The following ABCG1 variants were observed in gnomAD, a reference collection of about 807,000 sequenced individuals.
The protein encoded by ABCG1 is ATP binding cassette subfamily G member 1.
Under a neutral mutation model 69.2 loss-of-function variants are expected in ABCG1, and 29 were observed. The ratio of observed to expected loss-of-function variants is 0.42; its 90% CI spans 0.31 to 0.57. ABCG1 has a LOEUF of 0.57. ABCG1 is among the 20% of genes least tolerant of loss of function. ABCG1 has a pLI of 0.15. For synonymous variants in ABCG1, 370 were observed against 374.8 expected, an observed-to-expected ratio of 0.99 and a Z score of 0.15; for missense variants, 718 against 898.1, an observed-to-expected ratio of 0.80 and a Z score of 2.56.
chr21:42,284,262 CCT>C (rs368356415), intron 6 of ABCG1, among the ~76,000 whole-genome samples: 10 of 131,970 alleles, frequency 7.6e-5, no homozygotes, highest in East Asian at 7.1e-4. Flanking sequence ...TTGTGAAGTC[CCT>C]CCCTGCCCAG....
Position 42,219,773 on chromosome 21 carries a change from A to G in ABCG1, c.42+469A>G. The G allele has an allele frequency of 2.2e-6, 3 of 1,393,408 alleles. No individual in the cohort carries two copies. Among genetic ancestry groups the G allele is most frequent in the South Asian group, 1.5e-5 (1 of 66,404 alleles). The allele number at this position is 1,393,408 out of a possible 1,614,324, so 86.3% of individuals were successfully genotyped here. On this transcript the variant is annotated intron_variant, in intron 1 of 14. Transcript: ENST00000398449. This position sits in a 1 kb window ranked among gnomAD's most constrained non-coding sequence, Gnocchi z 5.3. Reference sequence around the variant, plus strand: ...TTCTCGCGCCATCCCCAGGAACGCCAGGCAAGGTCTGGGGGAACAAAAGAG... The same window carrying G: ...TTCTCGCGCCATCCCCAGGAACGCCGGGCAAGGTCTGGGGGAACAAAAGAG...
chr21:42,279,172 C>T (rs2068761740), intron 5 of ABCG1, among the ~76,000 whole-genome samples: 1 of 152,040 alleles, frequency 6.6e-6, no homozygotes, highest in South Asian at 2.1e-4. Context: ...GGCCTGCAAG[C>T]TGAGGGGCGG....
intron 2 of ABCG1, among the ~76,000 whole-genome samples, chr21:42,203,017 C>A (rs954558211): frequency 1.3e-5 from 2 of 152,170 alleles, no homozygotes; most frequent in African/African-American, 2.4e-5. Context: ...CACACCCACT[C>A]AAAGATACAA....
At chr21:42,235,790 A>T (rs947508642) in intron 2 of ABCG1, among the ~76,000 whole-genome samples, 6 of 152,186 alleles carry the variant, frequency 3.9e-5, no homozygotes, top group African/African-American at 1.2e-4. Context: ...GTCTGTGTTG[A>T]TGTTAATGTT....
At chr21:42,265,936 G>A (rs992176215) in intron 2 of ABCG1, among the ~76,000 whole-genome samples, 1 of 152,164 alleles carries the variant, frequency 6.6e-6, no homozygotes, top group African/African-American at 2.4e-5. Flanking sequence ...CCCCTTCCTG[G>A]ACAGGGTTCT....
At position 42,261,040 on chromosome 21, in the gene ABCG1, C is replaced by T. The variant is rs1248500853; in HGVS notation, c.287-10030C>T. The stretch of plus-strand genomic sequence containing the variant: ...GTTTCACCATGTTAGCCAGGATGGT[C>T]TCGATCTCCTGACCTTGTGATCCAC... On this transcript the variant is annotated intron_variant, in intron 2 of 14. Transcript: ENST00000398449. Among the ~76,000 whole-genome samples, 4 of 152,156 alleles carry T rather than the reference C, an allele frequency of 2.6e-5. No individual in the cohort carries two copies. In the East Asian group the frequency reaches 7.7e-4, roughly 29 times the overall value.
intron 2 of ABCG1, among the ~76,000 whole-genome samples, chr21:42,248,890 C>G (rs1267265829): frequency 8.2e-6 from 1 of 121,384 alleles, no homozygotes; most frequent in African/African-American, 3.5e-5. Context: ...AGTGACAGAG[C>G]AAGACCTCTC....
chr21:42,275,622 C>T (rs573445823), intron 4 of ABCG1, among the ~76,000 whole-genome samples: 4 of 152,358 alleles, frequency 2.6e-5, no homozygotes, highest in Non-Finnish European at 5.9e-5. Context: ...GACCGCAGCT[C>T]AATGGCTGCA....
At chr21:42,220,483 C>T (rs2067707592) in intron 1 of ABCG1, among the ~76,000 whole-genome samples, 2 of 152,100 alleles carry the variant, frequency 1.3e-5, no homozygotes, top group Admixed American at 6.5e-5. Context: ...TCCTATGATT[C>T]CAAACAGGTT....
chr21:42,244,762 C>T (rs1429956225), intron 2 of ABCG1, among the ~76,000 whole-genome samples: 1 of 152,202 alleles, frequency 6.6e-6, no homozygotes, highest in Non-Finnish European at 1.5e-5. Context: ...CATCCATTTC[C>T]AAGCCACAGA....
intron 13 of ABCG1, among the ~76,000 whole-genome samples, chr21:42,294,211 C>A (rs115394927): frequency 2.0e-5 from 3 of 152,190 alleles, no homozygotes; most frequent in African/African-American, 7.2e-5. Context: ...CTTAGCCCCC[C>A]CGGGGACAGC....
chr21:42,260,576 A>G (rs2068391290), intron 2 of ABCG1, among the ~76,000 whole-genome samples: 2 of 152,068 alleles, frequency 1.3e-5, no homozygotes, highest in African/African-American at 2.4e-5. Flanking sequence ...ACGCACACCA[A>G]CTGGTGGCAT....
Position 42,235,173 on chromosome 21 carries a change from T to C in ABCG1, c.286+9259T>C, listed in dbSNP as rs1005735206. On this transcript the variant is annotated intron_variant, in intron 2 of 14. Coordinates refer to ENST00000398449, the MANE Select transcript of ABCG1 (RefSeq NM_016818.3). ...CTGGCAGTAGGAAGGGTCGCCAGTG[T>C]GGACCTGAGGGTGGAGGTGTTGCCA... is the stretch of plus-strand genomic sequence containing the variant. Among the ~76,000 whole-genome samples, 10 of 152,298 alleles carry C rather than the reference T, an allele frequency of 6.6e-5. No individual in the cohort carries two copies. The East Asian group carries it at 1.7e-3, about 27-fold the overall frequency.
chr21:42,293,392 CATACT>C (rs2069127465), intron 13 of ABCG1, among the ~76,000 whole-genome samples: 2 of 146,298 alleles, frequency 1.4e-5, no homozygotes, highest in African/African-American at 5.1e-5. Flanking sequence ...ACACACCACA[CATACT>C]ACACACCACG....
intron 1 of ABCG1, among the ~76,000 whole-genome samples, chr21:42,200,840 C>T (rs1321577846): frequency 6.6e-6 from 1 of 152,076 alleles, no homozygotes; most frequent in African/African-American, 2.4e-5. Context: ...CCACCTGCCT[C>T]GACCTCCCAA....
At chr21:42,282,249 A>G (rs983108534) in intron 5 of ABCG1, 25 bp from the exon 6 acceptor site, 1 of 1,604,294 alleles carries the variant, frequency 6.2e-7, no homozygotes, top group East Asian at 2.2e-5. Flanking sequence ...GCAGCTCCCA[A>G]TGTCTCTCGT....
chr21:42,235,898 G>T (rs775618907), intron 2 of ABCG1, among the ~76,000 whole-genome samples: 12 of 152,236 alleles, frequency 7.9e-5, no homozygotes, highest in Non-Finnish European at 1.6e-4. Context: ...GCCAAGGAGG[G>T]AGTCCATCCC....
intron 2 of ABCG1, among the ~76,000 whole-genome samples, chr21:42,204,537 A>G (rs986978483): frequency 6.6e-5 from 10 of 152,232 alleles, no homozygotes; most frequent in African/African-American, 2.4e-4. Flanking sequence ...ATAGTATATT[A>G]CATTGATTGA....
At chr21:42,256,326 C>T (rs990036377) in intron 2 of ABCG1, 6 of 1,549,452 alleles carry the variant, frequency 3.9e-6, no homozygotes, top group Non-Finnish European at 4.4e-6. Flanking sequence ...GAGGGTGGGC[C>T]CTCTCTGCTG....
Sources: allele counts gnomAD v4.1 joint callset (sites outside exome capture counted in the v4.1 genomes callset), GRCh38; gene constraint gnomAD v4.1.1; non-coding constraint Gnocchi (gnomAD v3.1); transcripts MANE v1.5; gene names NCBI Gene and HGNC (gene_info 2026-07-23, HGNC 2026-07-21).